Variants in CNTN5 observed in about 807,000 individuals in gnomAD.
The protein encoded by CNTN5 is contactin 5, also known as contactin-5.
CNTN5 carries 77 observed loss-of-function variants against 129.1 expected under a neutral mutation model. That is an observed-to-expected ratio of 0.60 (90% CI 0.50 to 0.72). The LOEUF is 0.72. Ranked by LOEUF, CNTN5 falls within the 30% of genes least tolerant of loss-of-function variation. CNTN5 has a pLI of 0.00. For synonymous variants in CNTN5, 509 were observed against 465.6 expected, an observed-to-expected ratio of 1.09 and a Z score of -1.20; for missense variants, 1,478 against 1,328.8, an observed-to-expected ratio of 1.11 and a Z score of -1.75.
chr11:100,091,732 A>G (rs1439861882), intron 13 of CNTN5, among the ~76,000 whole-genome samples: 1 of 151,932 alleles, frequency 6.6e-6, no homozygotes, highest in Non-Finnish European at 1.5e-5. Context: ...CAGCCTATTT[A>G]TTCATTTTTT....
intron 15 of CNTN5, among the ~76,000 whole-genome samples, chr11:100,195,851 A>T (rs1948624899): frequency 6.6e-6 from 1 of 152,004 alleles, no homozygotes; most frequent in South Asian, 2.1e-4. Flanking sequence ...TGGAAAGAAC[A>T]ACATTCTGTT....
At chr11:99,065,685 T>A (rs1453153054) in intron 1 of CNTN5, among the ~76,000 whole-genome samples, 2 of 152,052 alleles carry the variant, frequency 1.3e-5, no homozygotes, top group Non-Finnish European at 2.9e-5. Context: ...CATGCACTTT[T>A]GAAACCATAC....
At chr11:100,313,369 G>A (rs1314803653) in intron 21 of CNTN5, among the ~76,000 whole-genome samples, 1 of 150,956 alleles carries the variant, frequency 6.6e-6, no homozygotes, top group East Asian at 2.0e-4. Flanking sequence ...AGGATTTGCT[G>A]ATTGATCTGA....
At chr11:99,402,055 T>G (rs940834512) in intron 2 of CNTN5, among the ~76,000 whole-genome samples, 2 of 152,174 alleles carry the variant, frequency 1.3e-5, no homozygotes, top group Non-Finnish European at 2.9e-5. Context: ...TTGGACGCAC[T>G]TTATATATTT....
At chr11:99,561,799 G>C (rs1460857515) in intron 3 of CNTN5, among the ~76,000 whole-genome samples, 1 of 8,714 alleles carries the variant, frequency 1.1e-4, no homozygotes, top group African/African-American at 2.6e-4. Context: ...AAGGAGATAT[G>C]ATAACTAAAT....
chr11:99,319,468 C>A (rs961871213), intron 1 of CNTN5, among the ~76,000 whole-genome samples: 32 of 152,188 alleles, frequency 2.1e-4, no homozygotes, highest in African/African-American at 7.7e-4. Context: ...CCGAGCTGAC[C>A]CCTATTAGAG....
intron 16 of CNTN5, among the ~76,000 whole-genome samples, chr11:100,225,756 T>C (rs1167130798): frequency 6.6e-6 from 1 of 152,084 alleles, no homozygotes; most frequent in Non-Finnish European, 1.5e-5. Flanking sequence ...ATCCCTTGTA[T>C]GGTCTGTACA....
At chr11:99,952,838 T>G (rs926797093) in intron 7 of CNTN5, among the ~76,000 whole-genome samples, 1 of 152,216 alleles carries the variant, frequency 6.6e-6, no homozygotes, top group African/African-American at 2.4e-5. Context: ...TACCATAAAG[T>G]TGAGCATTTT....
At position 99,290,706 on chromosome 11, in the gene CNTN5, G is replaced by A. The variant is rs747219186; in HGVS notation, c.-209-34640G>A. Among the ~76,000 whole-genome samples the A allele has an allele frequency of 5.9e-5, 9 of 151,770 alleles. No individual in the cohort carries two copies. In the South Asian group the frequency reaches 1.0e-3, roughly 17 times the overall value. On this transcript the variant is annotated intron_variant, in intron 1 of 24. Transcript: ENST00000524871. The stretch of plus-strand genomic sequence containing the variant: ...ATATTCCCAATCAATGGAATTGAAA[G>A]GTACATCATCAGTAAGCTTTCAGAG...
intron 24 of CNTN5, among the ~76,000 whole-genome samples, chr11:100,353,377 C>A (rs966755136): frequency 6.6e-6 from 1 of 151,532 alleles, no homozygotes; most frequent in Non-Finnish European, 1.5e-5. Flanking sequence ...ATAGCTGGGG[C>A]AAGAACTTAG....
chr11:99,929,488 A>T (rs1402242329), intron 7 of CNTN5, among the ~76,000 whole-genome samples: 4 of 152,322 alleles, frequency 2.6e-5, no homozygotes, highest in Non-Finnish European at 4.4e-5. Flanking sequence ...TAATTGATAA[A>T]GGAAAAACGT....
At chr11:99,625,915 TATATATATAC>T (rs1438501156) in intron 3 of CNTN5, among the ~76,000 whole-genome samples, 2,051 of 51,216 alleles carry the variant, frequency 0.04, 53 homozygotes, top group African/African-American at 0.098. Context: ...TATATATATA[TATATATATAC>T]ACACACACAC....
intron 3 of CNTN5, among the ~76,000 whole-genome samples, chr11:99,622,983 T>C (rs1437662282): frequency 6.6e-6 from 1 of 152,176 alleles, no homozygotes; most frequent in Non-Finnish European, 1.5e-5. Flanking sequence ...AGAATGACTC[T>C]ACATTCTGTA....
chr11:99,871,270 A>T (rs1472337597), intron 6 of CNTN5, among the ~76,000 whole-genome samples: 5 of 152,098 alleles, frequency 3.3e-5, no homozygotes, highest in African/African-American at 1.2e-4. Context: ...ATTATAAACT[A>T]GTAGACATTT....
intron 16 of CNTN5, among the ~76,000 whole-genome samples, chr11:100,242,639 C>T (rs114791893): frequency 0.027 from 4,121 of 152,206 alleles, 123 homozygotes; most frequent in African/African-American, 0.081. Context: ...GAGAACTCAC[C>T]ACCACGACAG....
intron 15 of CNTN5, among the ~76,000 whole-genome samples, chr11:100,213,566 G>A (rs1358183055): frequency 1.3e-5 from 2 of 152,146 alleles, no homozygotes; most frequent in Non-Finnish European, 2.9e-5. Context: ...TGAGTTTTCT[G>A]TGGCTGTGTC....
intron 3 of CNTN5, among the ~76,000 whole-genome samples, chr11:99,784,971 T>C (rs1945463633): frequency 6.6e-6 from 1 of 151,840 alleles, no homozygotes. Flanking sequence ...GGCTAATTTT[T>C]TGTATTTTTA....
intron 3 of CNTN5, among the ~76,000 whole-genome samples, chr11:99,802,662 T>C (rs1946150740): frequency 6.6e-6 from 1 of 152,132 alleles, no homozygotes; most frequent in South Asian, 2.1e-4. Context: ...TGTGCCACAG[T>C]CTGCACAGGG....
intron 2 of CNTN5, among the ~76,000 whole-genome samples, chr11:99,455,263 G>T (rs1219891532): frequency 6.6e-6 from 1 of 152,082 alleles, no homozygotes. Flanking sequence ...ATGAGTGACA[G>T]TTGGCAGAAA....
Sources: allele counts gnomAD v4.1 joint callset (sites outside exome capture counted in the v4.1 genomes callset), GRCh38; gene constraint gnomAD v4.1.1; transcripts MANE v1.5; gene names NCBI Gene and HGNC (gene_info 2026-07-23, HGNC 2026-07-21).